NRXN1: variants seen among roughly 807,000 people sequenced by gnomAD.
NRXN1 encodes the protein neurexin 1, also known as neurexin-1.
A neutral mutation model predicts 150.9 loss-of-function variants in NRXN1; 39 were observed. That is an observed-to-expected ratio of 0.26 (90% confidence interval 0.20 to 0.34). NRXN1 has a LOEUF of 0.34. Ranked by LOEUF, NRXN1 falls within the 10% of genes least tolerant of loss-of-function variation. The pLI, the probability that NRXN1 is intolerant of heterozygous loss-of-function variation, is 1.00. For missense variants in NRXN1, 1,815 were observed against 1,949.9 expected (o/e 0.93, Z 1.30); for synonymous variants, 924 against 757.0 (o/e 1.22, Z -3.62).
intron 21 of NRXN1, among the ~76,000 whole-genome samples, chr2:50,046,441 G>A (rs1691825831): frequency 6.6e-6 from 1 of 152,180 alleles, no homozygotes; most frequent in African/African-American, 2.4e-5. Flanking sequence ...AGCTTTAAAG[G>A]TAAGAAAGAT....
rs549448494 is a variant in NRXN1 at position 50,482,822 on chromosome 2, G to A, written c.3071-10351C>T. Among the ~76,000 whole-genome samples the A allele has an allele frequency of 1.9e-3, 294 of 152,090 alleles. 4 individuals carry two copies. Among genetic ancestry groups the A allele is most frequent in the South Asian group, 0.01 (50 of 4,820 alleles). ...GCAATAAAGAATCTGGCCAACAGGC[G>A]CGGTGGCTCAGGCCTATAATCCCAG... On this transcript the variant is annotated intron_variant, in intron 15 of 22. Transcript: ENST00000401669.
At chr2:50,616,254 A>G (rs1679041095) in intron 8 of NRXN1, 1 of 152,190 alleles carries the variant, frequency 6.6e-6, no homozygotes, top group Non-Finnish European at 1.5e-5. Context: ...ACAAAGCACC[A>G]TATGAAGTTC....
intron 18 of NRXN1, among the ~76,000 whole-genome samples, chr2:50,152,114 T>C (rs753348313): frequency 1.6e-4 from 25 of 151,782 alleles, no homozygotes; most frequent in Non-Finnish European, 2.9e-4. Flanking sequence ...AGTGCACTCA[T>C]ATTGTTGTAC....
intron 5 of NRXN1, among the ~76,000 whole-genome samples, chr2:50,868,265 T>C (rs1677257890): frequency 6.8e-6 from 1 of 146,748 alleles, no homozygotes. Context: ...TGGTTGGAAC[T>C]GGAAGTCTTT....
chr2:50,771,194 T>C (rs980696579), intron 5 of NRXN1, among the ~76,000 whole-genome samples: 27 of 152,126 alleles, frequency 1.8e-4, no homozygotes, highest in African/African-American at 6.3e-4. Context: ...ACAACTAATG[T>C]CAGAACAAGA....
At chr2:50,637,051 C>G (rs1683330008) in intron 5 of NRXN1, among the ~76,000 whole-genome samples, 1 of 152,104 alleles carries the variant, frequency 6.6e-6, no homozygotes, top group East Asian at 1.9e-4. Flanking sequence ...ATTAGGAGCC[C>G]TAGGTTCAAT....
intron 17 of NRXN1, among the ~76,000 whole-genome samples, chr2:50,283,481 T>C (rs2071728535): frequency 6.6e-6 from 1 of 152,160 alleles, no homozygotes; most frequent in Non-Finnish European, 1.5e-5. Context: ...CTTCCTTGTC[T>C]GGTACAGAAT....
chr2:50,558,651 A>G (rs1463014988), intron 8 of NRXN1, among the ~76,000 whole-genome samples: 2 of 152,232 alleles, frequency 1.3e-5, no homozygotes, highest in African/African-American at 4.8e-5. Flanking sequence ...AGAATGTAAC[A>G]AACGTTATCT....
intron 5 of NRXN1, among the ~76,000 whole-genome samples, chr2:50,822,347 G>A (rs894506399): frequency 6.6e-6 from 1 of 152,034 alleles, no homozygotes; most frequent in Non-Finnish European, 1.5e-5. Context: ...AAGAGAAAAT[G>A]GATAATAATG....
chr2:51,010,175 C>G (rs1434294585), intron 2 of NRXN1, among the ~76,000 whole-genome samples: 1 of 151,962 alleles, frequency 6.6e-6, no homozygotes, highest in African/African-American at 2.4e-5. Context: ...GATAATCCCT[C>G]AAGATGGAGA....
At position 50,994,277 on chromosome 2, in the gene NRXN1, A is replaced by C. The variant is rs558800850; in HGVS notation, c.772+33225T>G. On this transcript the variant is annotated intron_variant, in intron 2 of 22. Coordinates refer to ENST00000401669, the MANE Select transcript of NRXN1 (RefSeq NM_001330078.2). ...ACACACACACTCTCTCTCTCTCTAA[A>C]TTTAATAACCTCCATCAAGGCTACA... Among the ~76,000 whole-genome samples the C allele has an allele frequency of 2.6e-5, 4 of 152,074 alleles. No individual in the cohort carries two copies. The South Asian group carries it at 6.2e-4, about 24-fold the overall frequency.
intron 5 of NRXN1, among the ~76,000 whole-genome samples, chr2:50,718,868 T>C (rs1367304803): frequency 6.6e-6 from 1 of 152,082 alleles, no homozygotes; most frequent in Non-Finnish European, 1.5e-5. Context: ...CCATCTCTTC[T>C]CCCTTCTTTC....
chr2:50,456,344 T>C (rs2087556936), intron 17 of NRXN1, among the ~76,000 whole-genome samples: 2 of 152,078 alleles, frequency 1.3e-5, no homozygotes, highest in Admixed American at 6.6e-5. Flanking sequence ...ATTTAGATCA[T>C]TAGGGTCATT....
rs778926130 is a variant in NRXN1 at position 50,922,648 on chromosome 2, G to C, written c.820+10C>G. On this transcript the variant is annotated intron_variant, in intron 4 of 22. Coordinates refer to ENST00000401669, the MANE Select transcript of NRXN1 (RefSeq NM_001330078.2). Reference sequence around the variant, plus strand: ...CTGAAAGCAGAGTGGAAAAGGAACAGAGCCCATACCTTGGTCGCCCATCAT... The same window carrying C: ...CTGAAAGCAGAGTGGAAAAGGAACACAGCCCATACCTTGGTCGCCCATCAT... The C allele has an allele frequency of 1.9e-6, 3 of 1,609,704 alleles. No individual in the cohort carries two copies. Among genetic ancestry groups the C allele is most frequent in the African/African-American group, 1.3e-5 (1 of 74,844 alleles).
intron 18 of NRXN1, among the ~76,000 whole-genome samples, chr2:50,203,182 A>C (rs780621957): frequency 6.6e-6 from 1 of 152,186 alleles, no homozygotes; most frequent in Non-Finnish European, 1.5e-5. Flanking sequence ...CTTGGGGTCA[A>C]AGATTGAAAA....
rs370508267 is a variant in NRXN1, at chr2:49,968,639, T to G, written c.4129-24848A>C. Reference sequence around the variant, plus strand: ...TTTGTGTTACCTTTTATTTCGTGACTGGATAACTAGTGCTGCTCAAACACA... The same window carrying G: ...TTTGTGTTACCTTTTATTTCGTGACGGGATAACTAGTGCTGCTCAAACACA... On this transcript the variant is annotated intron_variant, in intron 21 of 22. Transcript: ENST00000401669. 6.6e-5 allele frequency among the ~76,000 whole-genome samples: 10 copies of G among 152,230 alleles called. No homozygotes were observed. The East Asian group carries it at 1.7e-3, about 26-fold the overall frequency.
At chr2:50,026,863 T>C (rs1030442222) in intron 21 of NRXN1, among the ~76,000 whole-genome samples, 15 of 25,820 alleles carry the variant, frequency 5.8e-4, no homozygotes, top group Non-Finnish European at 1.1e-3. Flanking sequence ...TCTTTTCTTT[T>C]TTTTTTTTTT....
intron 5 of NRXN1, among the ~76,000 whole-genome samples, chr2:50,709,226 A>T (rs531302080): frequency 6.6e-6 from 1 of 152,284 alleles, no homozygotes; most frequent in East Asian, 1.9e-4. Context: ...TTCAACAAAT[A>T]CTTATTGAAC....
intron 18 of NRXN1, among the ~76,000 whole-genome samples, chr2:50,210,121 A>C (rs1263208837): frequency 6.6e-6 from 1 of 151,988 alleles, no homozygotes; most frequent in Non-Finnish European, 1.5e-5. Context: ...AGTCAAGCCC[A>C]GGCAATGAGA....
Sources: allele counts gnomAD v4.1 joint callset (sites outside exome capture counted in the v4.1 genomes callset), GRCh38; gene constraint gnomAD v4.1.1; transcripts MANE v1.5; gene names NCBI Gene and HGNC (gene_info 2026-07-23, HGNC 2026-07-21).